The following IDE variants were observed in gnomAD, a reference collection of about 807,000 sequenced individuals.
IDE encodes the protein insulin-degrading enzyme.
In IDE, 58 loss-of-function variants were observed where a neutral mutation model predicts 133.2. The observed-to-expected ratio is 0.44, with a 90% CI of 0.35 to 0.54. The LOEUF is 0.54. Ranked by LOEUF, IDE falls within the 20% of genes least tolerant of loss-of-function variation. IDE has a pLI of 0.00. For synonymous variants in IDE, 396 were observed against 421.3 expected (o/e 0.94, Z 0.73); for missense variants, 981 against 1,234.0 (o/e 0.79, Z 3.07).
intron 1 of IDE, 63 bp from the exon 2 acceptor site, chr10:92,537,613 G>T (rs568765223): frequency 8.0e-7 from 1 of 1,243,320 alleles, no homozygotes; most frequent in Non-Finnish European, 1.1e-6. Flanking sequence ...AAACAATAAC[G>T]TCAAGTAAAC....
intron 1 of IDE, among the ~76,000 whole-genome samples, chr10:92,549,988 G>T (rs959138574): frequency 2.0e-5 from 3 of 151,972 alleles, no homozygotes; most frequent in Non-Finnish European, 4.4e-5. Context: ...GAACAACATG[G>T]AGAAACCCCG....
intron 5 of IDE, among the ~76,000 whole-genome samples, chr10:92,510,621 G>A (rs1034881246): frequency 4.0e-5 from 6 of 150,428 alleles, no homozygotes; most frequent in African/African-American, 7.3e-5. Flanking sequence ...CATTTTATAT[G>A]TGTGTGTGTA....
At chr10:92,540,764 G>C (rs1326955781) in intron 1 of IDE, among the ~76,000 whole-genome samples, 3 of 152,166 alleles carry the variant, frequency 2.0e-5, no homozygotes, top group Admixed American at 6.5e-5. Context: ...AACTTACTAT[G>C]TGGGAGGTTA....
intron 1 of IDE, among the ~76,000 whole-genome samples, chr10:92,568,122 G>A (rs1429933851): frequency 2.0e-5 from 3 of 152,196 alleles, no homozygotes; most frequent in African/African-American, 7.2e-5. Context: ...CAATGCAAAT[G>A]ATCTGAGGTA....
At chr10:92,489,591 G>C (rs1397997110) in intron 12 of IDE, among the ~76,000 whole-genome samples, 1 of 152,092 alleles carries the variant, frequency 6.6e-6, no homozygotes, top group African/African-American at 2.4e-5. Flanking sequence ...TGAACAGGGG[G>C]ATTCTTTCTT....
In IDE at chr10:92,483,274, G is replaced by T; in HGVS notation, c.1720C>A (p.Leu574Ile). 1 of 1,599,908 alleles carries T rather than the reference G, an allele frequency of 6.3e-7. No homozygotes were observed. The highest frequency in any genetic ancestry group is 8.6e-7 in the Non-Finnish European group (1 of 1,167,196). ...DDKFFLPKACLNFEFFSPFAY... is the reference protein window; with the variant it reads ...DDKFFLPKACINFEFFSPFAY... ...ACATACCTGAAAAATTCAAAGTTGAGACAAGCCTTCGGCAAAAAAAACTTA... is the reference window on the plus strand; with the variant it reads ...ACATACCTGAAAAATTCAAAGTTGATACAAGCCTTCGGCAAAAAAAACTTA... Residue 574 changes from leucine (L) to isoleucine (I), a missense_variant, in exon 14 of 25, where the codon CTC becomes ATC. This residue lies in a region of IDE where 660 missense variants were observed against 894.7 expected (regional missense o/e 0.74). Transcript: ENST00000265986.
chr10:92,481,315 G>A (rs901656095), intron 14 of IDE, among the ~76,000 whole-genome samples: 4 of 152,104 alleles, frequency 2.6e-5, no homozygotes, highest in Non-Finnish European at 4.4e-5. Flanking sequence ...GGTGGCATAC[G>A]CCTGTAGTCC....
At chr10:92,572,568 A>G (rs978912926) in intron 1 of IDE, among the ~76,000 whole-genome samples, 1 of 152,156 alleles carries the variant, frequency 6.6e-6, no homozygotes, top group Non-Finnish European at 1.5e-5. Context: ...CTAAACCCCC[A>G]GTTCCATCAG....
chr10:92,510,678 TGATA>T (rs1050294271), intron 5 of IDE, among the ~76,000 whole-genome samples: 1 of 151,030 alleles, frequency 6.6e-6, no homozygotes, highest in African/African-American at 2.4e-5. Context: ...CTCACATATA[TGATA>T]TATATCACAT....
At position 92,453,285 on chromosome 10, in the gene IDE, A is replaced by C. The variant is rs994115615; in HGVS notation, c.*1159T>G. 1.3e-5 allele frequency: 2 copies of C among 152,160 alleles called. No homozygotes were observed. The highest frequency in any genetic ancestry group is 3.8e-4 in the East Asian group (2 of 5,202). The allele number at this position is 152,160 out of a possible 1,614,324, so 9.4% of individuals were successfully genotyped here. A position where few individuals can be genotyped will look rare whatever the true frequency, so the allele number is the denominator to read the frequency against. ...ATTTCACCTAAAATAGTATCTCATG[A>C]AAAAAATATTTTTTTAAAAGTCTAC... On this transcript the variant is annotated 3_prime_UTR_variant, in exon 25 of 25. Transcript: ENST00000265986.
At chr10:92,559,297 T>G (rs1843166281) in intron 1 of IDE, 1 of 152,192 alleles carries the variant, frequency 6.6e-6, no homozygotes, top group African/African-American at 2.4e-5. Flanking sequence ...CGAAAATAAG[T>G]GTTCACATGA....
intron 1 of IDE, among the ~76,000 whole-genome samples, chr10:92,552,857 C>CAAAAAAAAAAAAATAAAAAAAAAA (rs1842847099): frequency 2.0e-5 from 1 of 49,380 alleles, no homozygotes; most frequent in African/African-American, 1.1e-4. Context: ...GACTCAGTCT[C>CAAAAAAAAAAAAATAAAAAAAAAA]AAAAAAAAAA....
At chr10:92,534,033 A>C (rs546564678) in intron 3 of IDE, among the ~76,000 whole-genome samples, 3 of 152,324 alleles carry the variant, frequency 2.0e-5, no homozygotes, top group South Asian at 4.1e-4. Flanking sequence ...GAAAAAAAAA[A>C]AAAAATTGAC....
At chr10:92,506,362 C>T (rs1848292904) in intron 10 of IDE, 80 bp downstream of exon 10, 5 of 637,460 alleles carry the variant, frequency 7.8e-6, no homozygotes. Flanking sequence ...TGTAATCATT[C>T]ACTTATTACT....
chr10:92,475,553 G>A (rs922217613), intron 16 of IDE, among the ~76,000 whole-genome samples: 4 of 152,070 alleles, frequency 2.6e-5, no homozygotes, highest in South Asian at 4.1e-4. Flanking sequence ...GCTGAATTGC[G>A]TGTTCTTCTG....
At chr10:92,560,099 A>G (rs1843206368) in intron 1 of IDE, among the ~76,000 whole-genome samples, 1 of 152,180 alleles carries the variant, frequency 6.6e-6, no homozygotes, top group South Asian at 2.1e-4. Flanking sequence ...GTTTTATGAC[A>G]ATTCCTAATT....
intron 4 of IDE, among the ~76,000 whole-genome samples, chr10:92,527,469 TA>T (rs201968212): frequency 6.6e-6 from 1 of 151,292 alleles, no homozygotes; most frequent in Non-Finnish European, 1.5e-5. Context: ...ATACAATTCC[TA>T]AAAAAAAACT....
chr10:92,506,099 T>C (rs910137443), intron 10 of IDE, among the ~76,000 whole-genome samples: 2 of 152,026 alleles, frequency 1.3e-5, no homozygotes, highest in Admixed American at 1.3e-4. Flanking sequence ...AAGCAAGAAA[T>C]GATGATAGCT....
intron 1 of IDE, among the ~76,000 whole-genome samples, chr10:92,565,715 CAG>C (rs1405671582): frequency 2.0e-5 from 3 of 152,142 alleles, no homozygotes; most frequent in Non-Finnish European, 4.4e-5. Flanking sequence ...TACCAAGTTC[CAG>C]TCATATTTCA....
Sources: allele counts gnomAD v4.1 joint callset (sites outside exome capture counted in the v4.1 genomes callset), GRCh38; gene constraint gnomAD v4.1.1; regional missense constraint gnomAD v4.1.1; transcripts MANE v1.5; gene names NCBI Gene and HGNC (gene_info 2026-07-23, HGNC 2026-07-21).